PLD5: variants seen among roughly 807,000 people sequenced by gnomAD.
PLD5 encodes inactive phospholipase D5.
PLD5 carries 36 observed loss-of-function variants against 61.1 expected under a neutral mutation model. The ratio of observed to expected loss-of-function variants is 0.59; its 90% confidence interval spans 0.45 to 0.78. The LOEUF (loss-of-function observed/expected upper bound fraction) is 0.78. Ranked by LOEUF, PLD5 falls within the 30% of genes least tolerant of loss-of-function variation. The pLI, the probability that PLD5 is intolerant of heterozygous loss-of-function variation, is 0.00. For missense variants in PLD5, 515 were observed against 644.4 expected (o/e 0.80, Z 2.17); for synonymous variants, 243 against 242.8 (o/e 1.00, Z -0.01).
intron 1 of PLD5, among the ~76,000 whole-genome samples, chr1:242,433,791 GA>G (rs1665849438): frequency 6.6e-6 from 1 of 152,144 alleles, no homozygotes; most frequent in Admixed American, 6.5e-5. Flanking sequence ...GTGGCCTCAA[GA>G]CAAGATCATG....
intron 1 of PLD5, among the ~76,000 whole-genome samples, chr1:242,519,657 C>A (rs1376570948): frequency 6.6e-6 from 1 of 152,158 alleles, no homozygotes; most frequent in Non-Finnish European, 1.5e-5. Flanking sequence ...GCTAGCAGGA[C>A]CAGCTGAGAG....
intron 1 of PLD5, among the ~76,000 whole-genome samples, chr1:242,434,144 C>T (rs1665868428): frequency 6.6e-6 from 1 of 152,188 alleles, no homozygotes; most frequent in African/African-American, 2.4e-5. Flanking sequence ...AACAAGGAGA[C>T]CCATCAGGAC....
intron 9 of PLD5, among the ~76,000 whole-genome samples, chr1:242,091,213 A>G (rs2148645078): frequency 6.6e-6 from 1 of 152,292 alleles, no homozygotes; most frequent in South Asian, 2.1e-4. Flanking sequence ...GTCTCTCAAT[A>G]GAGTTACATT....
chr1:242,322,736 G>A (rs1658499532), intron 2 of PLD5, among the ~76,000 whole-genome samples: 1 of 152,186 alleles, frequency 6.6e-6, no homozygotes, highest in Admixed American at 6.5e-5. Context: ...CTGCTGCCAT[G>A]TAAGACATGC....
chr1:242,407,249 T>G (rs1030237613), intron 1 of PLD5, among the ~76,000 whole-genome samples: 3 of 149,664 alleles, frequency 2.0e-5, no homozygotes, highest in South Asian at 4.3e-4. Flanking sequence ...GTCACGATGG[T>G]GAGGCCTCCC....
chr1:242,270,537 A>G (rs3902603), intron 3 of PLD5, among the ~76,000 whole-genome samples: 1 of 151,366 alleles, frequency 6.6e-6, no homozygotes, highest in East Asian at 1.9e-4. Flanking sequence ...GGGTATTCTT[A>G]AAGAAAGTTA....
At chr1:242,314,634 A>G (rs1163296010) in intron 2 of PLD5, among the ~76,000 whole-genome samples, 1 of 151,996 alleles carries the variant, frequency 6.6e-6, no homozygotes, top group Non-Finnish European at 1.5e-5. Context: ...ATAAGATACC[A>G]TTTCCCATTT....
chr1:242,246,974 CT>C (rs74466537), intron 4 of PLD5, among the ~76,000 whole-genome samples: 15 of 135,806 alleles, frequency 1.1e-4, no homozygotes, highest in African/African-American at 3.6e-4. Context: ...TTTAGGGATT[CT>C]TTTTTTTTTT....
chr1:242,212,769 A>G (rs560253143), intron 5 of PLD5, among the ~76,000 whole-genome samples: 1 of 152,222 alleles, frequency 6.6e-6, no homozygotes, highest in Non-Finnish European at 1.5e-5. Context: ...TACAAGCGAC[A>G]TCCCAGATTG....
chr1:242,161,015 CTTTTT>C (rs1006588145), intron 5 of PLD5, among the ~76,000 whole-genome samples: 51 of 145,994 alleles, frequency 3.5e-4, no homozygotes, highest in East Asian at 2.4e-3. Flanking sequence ...CTTATATTAT[CTTTTT>C]TTATCAGTAT....
At chr1:242,410,674 A>G (rs12063808) in intron 1 of PLD5, among the ~76,000 whole-genome samples, 65,709 of 151,740 alleles carry the variant, frequency 0.43, 15,499 homozygotes, top group African/African-American at 0.63. Flanking sequence ...GGAGGTATTT[A>G]GCTTAGGTAT....
intron 5 of PLD5, among the ~76,000 whole-genome samples, chr1:242,180,562 G>A (rs773571935): frequency 1.3e-5 from 2 of 152,078 alleles, no homozygotes; most frequent in Admixed American, 1.3e-4. Flanking sequence ...TTTTGCTAGA[G>A]AAAGATGTTC....
intron 9 of PLD5, among the ~76,000 whole-genome samples, chr1:242,090,525 A>T (rs1659738908): frequency 6.6e-6 from 1 of 152,230 alleles, no homozygotes; most frequent in Non-Finnish European, 1.5e-5. Context: ...TCTAATTATA[A>T]GTCCCTGAAG....
At chr1:242,420,502 AT>A in intron 1 of PLD5, among the ~76,000 whole-genome samples, 1 of 152,298 alleles carries the variant, frequency 6.6e-6, no homozygotes, top group East Asian at 1.9e-4. Flanking sequence ...CATTATCTTA[AT>A]AGTAGTTAAG....
At chr1:242,394,910 ATATATGTATATATGTATACAT>A (rs1663381092) in intron 1 of PLD5, among the ~76,000 whole-genome samples, 3 of 132,858 alleles carry the variant, frequency 2.3e-5, no homozygotes, top group African/African-American at 2.8e-5. Context: ...ATATATGAAT[ATATATGTATATATGTATACAT>A]TATATGAATA....
At chr1:242,169,654 G>C (rs1666595923) in intron 5 of PLD5, among the ~76,000 whole-genome samples, 1 of 152,136 alleles carries the variant, frequency 6.6e-6, no homozygotes, top group Non-Finnish European at 1.5e-5. Context: ...TAACCCCATG[G>C]AGCCCAGCAA....
chr1:242,388,889 A>G (rs1423817318), intron 1 of PLD5, among the ~76,000 whole-genome samples: 2 of 152,128 alleles, frequency 1.3e-5, no homozygotes, highest in African/African-American at 4.8e-5. Flanking sequence ...CGGGAGGTGG[A>G]GGTTGCAGTG....
intron 1 of PLD5, among the ~76,000 whole-genome samples, chr1:242,443,688 G>A (rs1666376016): frequency 6.6e-6 from 1 of 152,146 alleles, no homozygotes; most frequent in South Asian, 2.1e-4. Flanking sequence ...ACCTAAGAAA[G>A]TTTTGCTATT....
rs193081055 is a variant in PLD5, at chr1:242,390,382, A to C, written c.190-42140T>G. Reference sequence around the variant, plus strand: ...AGAAACAAGGAGAAATACTAAAAACATATTTGTTCCCTTGTTCTATGCTTG... The same window carrying C: ...AGAAACAAGGAGAAATACTAAAAACCTATTTGTTCCCTTGTTCTATGCTTG... On this transcript the variant is annotated intron_variant, in intron 1 of 9. Coordinates refer to ENST00000536534, the MANE Select transcript of PLD5 (RefSeq NM_001372062.1). Among the ~76,000 whole-genome samples the C allele has an allele frequency of 3.1e-4, 47 of 152,314 alleles. 2 individuals are homozygous for C. In the East Asian group the frequency reaches 8.5e-3, roughly 28 times the overall value.
Sources: gnomAD v4.1 joint callset for allele counts (sites outside exome capture counted in the v4.1 genomes callset) on GRCh38, gnomAD v4.1.1 for gene constraint, MANE v1.5 for transcripts, NCBI Gene and HGNC (gene_info 2026-07-23, HGNC 2026-07-21) for gene names.